The following DDX10 variants were observed in gnomAD, a reference collection of about 807,000 sequenced individuals.
DDX10 encodes the protein probable ATP-dependent RNA helicase DDX10.
Under a neutral mutation model 104.3 loss-of-function variants are expected in DDX10, and 74 were observed. That is an observed-to-expected ratio of 0.71 (90% CI 0.59 to 0.86). The LOEUF (loss-of-function observed/expected upper bound fraction) is 0.86. Ranked by LOEUF, DDX10 falls within the 40% of genes least tolerant of loss-of-function variation. The pLI is 0.00. For missense variants in DDX10, 952 were observed against 1,040.0 expected (o/e 0.92, Z 1.16); for synonymous variants, 351 against 353.4 (o/e 0.99, Z 0.08).
intron 13 of DDX10, among the ~76,000 whole-genome samples, chr11:108,795,283 T>C (rs1006361278): frequency 1.1e-4 from 17 of 151,774 alleles, no homozygotes; most frequent in African/African-American, 2.4e-5. Context: ...GGAAATTTTT[T>C]TTTTTTTTTT....
At chr11:108,779,300 A>G (rs1467146725) in intron 13 of DDX10, among the ~76,000 whole-genome samples, 2 of 152,236 alleles carry the variant, frequency 1.3e-5, no homozygotes, top group African/African-American at 2.4e-5. Flanking sequence ...ATGTCTATCA[A>G]TGATAAACTG....
chr11:108,706,570 G>C (rs1178116305), intron 9 of DDX10, among the ~76,000 whole-genome samples, 169 bp from the exon 10 acceptor site: 3 of 152,156 alleles, frequency 2.0e-5, no homozygotes, highest in Non-Finnish European at 2.9e-5. Flanking sequence ...TGATGAAAAT[G>C]ATATGAGGTG....
chr11:108,852,577 T>C (rs1332562862), intron 16 of DDX10, among the ~76,000 whole-genome samples: 1 of 152,204 alleles, frequency 6.6e-6, no homozygotes, highest in Non-Finnish European at 1.5e-5. Flanking sequence ...CATCTTCAGG[T>C]AGACAGCCTG....
At chr11:108,687,404 G>A (rs933369336) in intron 6 of DDX10, among the ~76,000 whole-genome samples, 3 of 152,082 alleles carry the variant, frequency 2.0e-5, no homozygotes, top group Non-Finnish European at 2.9e-5. Flanking sequence ...GAACTCCCTA[G>A]CCTGAATTGA....
intron 13 of DDX10, among the ~76,000 whole-genome samples, chr11:108,792,375 G>C (rs140856394): frequency 6.6e-6 from 1 of 152,032 alleles, no homozygotes; most frequent in African/African-American, 2.4e-5. Context: ...TGTTCTGCGC[G>C]CTTTCTAATT....
At chr11:108,856,259 G>A (rs1194687504) in intron 16 of DDX10, among the ~76,000 whole-genome samples, 2 of 152,178 alleles carry the variant, frequency 1.3e-5, no homozygotes, top group Middle Eastern at 3.4e-3. Flanking sequence ...GCAAAACCCT[G>A]TCTCTACTAA....
chr11:108,758,532 A>G (rs956922912), intron 13 of DDX10, among the ~76,000 whole-genome samples: 12 of 152,240 alleles, frequency 7.9e-5, no homozygotes, highest in African/African-American at 2.6e-4. Flanking sequence ...GTAGTCTTAA[A>G]TGAATCTCAC....
chr11:108,669,178 T>C (rs954583983), intron 1 of DDX10, among the ~76,000 whole-genome samples: 1 of 151,908 alleles, frequency 6.6e-6, no homozygotes, highest in Non-Finnish European at 1.5e-5. Context: ...ACTGTAGCCT[T>C]GACCTCCTGG....
rs183905715 is a variant in DDX10 at position 108,774,926 on chromosome 11, A to G, written c.1965+51464A>G. Among the ~76,000 whole-genome samples the G allele has an allele frequency of 1.8e-4, 27 of 152,312 alleles. No individual in the cohort carries two copies. In the East Asian group the frequency reaches 3.7e-3, roughly 21 times the overall value. ...TTCTAACTTGCTGGAACAAGAAGAC[A>G]TATCAATTTATATGACTGGGTGGCC... is the stretch of plus-strand genomic sequence containing the variant. On this transcript the variant is annotated intron_variant, in intron 13 of 17. Transcript: ENST00000322536.
At chr11:108,846,645 T>C (rs1294626673) in intron 15 of DDX10, among the ~76,000 whole-genome samples, 1 of 152,244 alleles carries the variant, frequency 6.6e-6, no homozygotes, top group Non-Finnish European at 1.5e-5. Context: ...ATTGTACATA[T>C]ATATGCTACA....
intron 13 of DDX10, among the ~76,000 whole-genome samples, chr11:108,771,426 C>G (rs1309313160): frequency 1.3e-5 from 2 of 151,778 alleles, no homozygotes; most frequent in African/African-American, 4.8e-5. Flanking sequence ...GTGGCATGAT[C>G]TCGACTCATG....
At chr11:108,832,952 A>G (rs1397316314) in intron 13 of DDX10, among the ~76,000 whole-genome samples, 1 of 152,216 alleles carries the variant, frequency 6.6e-6, no homozygotes, top group Non-Finnish European at 1.5e-5. Flanking sequence ...ACAGCACCTG[A>G]TCCTTAGGAG....
At chr11:108,911,070 A>G (rs971252957) in intron 16 of DDX10, among the ~76,000 whole-genome samples, 12 of 152,094 alleles carry the variant, frequency 7.9e-5, no homozygotes, top group Non-Finnish European at 1.5e-4. Context: ...CTCTTGATTG[A>G]CTGCTCCCCA....
chr11:108,746,120 T>C (rs765665864), intron 13 of DDX10, among the ~76,000 whole-genome samples: 1 of 152,164 alleles, frequency 6.6e-6, no homozygotes, highest in South Asian at 2.1e-4. Context: ...TTTCTGTCTG[T>C]ATAATTTACT....
At position 108,838,466 on chromosome 11, in the gene DDX10, C is replaced by T; in HGVS notation, c.1986C>T (p.Ser662=). 1 of 1,611,150 alleles carries T rather than the reference C, an allele frequency of 6.2e-7. No homozygotes were observed. Among genetic ancestry groups the T allele is most frequent in the Non-Finnish European group, 8.5e-7 (1 of 1,178,980 alleles). The change falls in exon 14 of 18, where the codon TCC becomes TCT. Residue 662 remains serine (S), a synonymous_variant. Coordinates refer to ENST00000322536, the MANE Select transcript of DDX10 (RefSeq NM_004398.4). ...CACAGAAGAAAGAACCTTCTAAATC[C>T]AGCATCAAGAAAAAAATGACCAAAG... is the stretch of plus-strand genomic sequence containing the variant. ...KTLQKKEPSK[S]SIKKKMTKVA... is the part of the protein sequence containing the mutation.
At chr11:108,693,459 A>G in intron 8 of DDX10, 57 bp from the exon 9 acceptor site, 1 of 1,206,462 alleles carries the variant, frequency 8.3e-7, no homozygotes, top group Non-Finnish European at 1.2e-6. Context: ...AGATAAAAAT[A>G]GTGCAGCAGG....
rs57338954 is a variant in DDX10, at chr11:108,906,465, C to T, written c.2305-11408C>T. Among the ~76,000 whole-genome samples, 7 of 152,276 alleles carry T rather than the reference C, an allele frequency of 4.6e-5. No individual in the cohort carries two copies. In the East Asian group the frequency reaches 1.2e-3, roughly 25 times the overall value. On this transcript the variant is annotated intron_variant, in intron 16 of 17. Transcript: ENST00000322536. ...GGCACCATCACATGCATTGCTCTTC[C>T]AGTGCTCATAACAGCCTTGAATGGT...
At chr11:108,781,606 T>C (rs748025182) in intron 13 of DDX10, among the ~76,000 whole-genome samples, 17 of 152,208 alleles carry the variant, frequency 1.1e-4, no homozygotes, top group Non-Finnish European at 1.5e-5. Flanking sequence ...GATTTTGTTT[T>C]GTTTTTCAAA....
chr11:108,890,331 G>C (rs1361754219), intron 16 of DDX10, among the ~76,000 whole-genome samples: 1 of 152,166 alleles, frequency 6.6e-6, no homozygotes, highest in African/African-American at 2.4e-5. Flanking sequence ...CCCAACCGTA[G>C]CTGAGAGAGA....
Sources: allele counts gnomAD v4.1 joint callset (sites outside exome capture counted in the v4.1 genomes callset), GRCh38; gene constraint gnomAD v4.1.1; transcripts MANE v1.5; gene names NCBI Gene and HGNC (gene_info 2026-07-23, HGNC 2026-07-21).